Variants in NRG1 observed in about 807,000 individuals in gnomAD.
The protein encoded by NRG1 is neuregulin 1, also known as pro-neuregulin-1, membrane-bound isoform.
NRG1 carries 18 observed loss-of-function variants against 63.8 expected under a neutral mutation model. The ratio of observed to expected loss-of-function variants is 0.28; its 90% CI spans 0.19 to 0.42. The LOEUF (loss-of-function observed/expected upper bound fraction) is 0.42. Ranked by LOEUF, NRG1 falls within the 10% of genes least tolerant of loss-of-function variation. The pLI, the probability that NRG1 is intolerant of heterozygous loss-of-function variation, is 1.00. For synonymous variants in NRG1, 302 were observed against 301.3 expected, an observed-to-expected ratio of 1.00 and a Z score of -0.02; for missense variants, 762 against 814.7, an observed-to-expected ratio of 0.94 and a Z score of 0.79.
intron 1 of NRG1, among the ~76,000 whole-genome samples, chr8:32,025,168 TA>T (rs977327245): frequency 6.6e-6 from 1 of 152,200 alleles, no homozygotes; most frequent in African/African-American, 2.4e-5. Flanking sequence ...TCTACATTCC[TA>T]TTTTTCAGAA....
intron 1 of NRG1, among the ~76,000 whole-genome samples, chr8:32,503,769 G>A (rs564421139): frequency 9.2e-4 from 140 of 152,308 alleles, no homozygotes; most frequent in Non-Finnish European, 1.6e-3. Flanking sequence ...CATACGCAGA[G>A]TGAGAGACCG....
At chr8:32,289,868 AT>A (rs1853984102) in intron 1 of NRG1, among the ~76,000 whole-genome samples, 1 of 152,210 alleles carries the variant, frequency 6.6e-6, no homozygotes, top group African/African-American at 2.4e-5. Flanking sequence ...CATTTACTCG[AT>A]TTAACATTTT....
chr8:32,667,553 C>T (rs1162002624), intron 5 of NRG1, among the ~76,000 whole-genome samples: 1 of 152,114 alleles, frequency 6.6e-6, no homozygotes, highest in Non-Finnish European at 1.5e-5. Flanking sequence ...TACTGATAAA[C>T]ATACTTTTCT....
chr8:32,505,977 T>TG (rs1828473136), intron 1 of NRG1, among the ~76,000 whole-genome samples: 1 of 152,002 alleles, frequency 6.6e-6, no homozygotes, highest in Non-Finnish European at 1.5e-5. Context: ...AGGTGAGGCG[T>TG]GGTGGCTCAA....
chr8:32,736,769 G>A (rs1033180426), intron 6 of NRG1, among the ~76,000 whole-genome samples: 1 of 151,970 alleles, frequency 6.6e-6, no homozygotes, highest in African/African-American at 2.4e-5. Context: ...AAGCTGAGAA[G>A]AGAAAGGATG....
chr8:31,713,620 T>C (rs868642783), intron 1 of NRG1, among the ~76,000 whole-genome samples: 1 of 152,180 alleles, frequency 6.6e-6, no homozygotes, highest in Non-Finnish European at 1.5e-5. Context: ...ATTGACAGGA[T>C]AGTTGAGTAT....
At chr8:32,046,050 A>G (rs897681870) in intron 1 of NRG1, among the ~76,000 whole-genome samples, 1 of 152,076 alleles carries the variant, frequency 6.6e-6, no homozygotes, top group Non-Finnish European at 1.5e-5. Flanking sequence ...ATATTCTTCA[A>G]GGGGTTTGCA....
At chr8:32,032,498 T>C (rs912631663) in intron 1 of NRG1, among the ~76,000 whole-genome samples, 1 of 152,182 alleles carries the variant, frequency 6.6e-6, no homozygotes, top group Non-Finnish European at 1.5e-5. Context: ...GCTCCTGACC[T>C]CAGGTGATCC....
At chr8:32,549,271 C>G (rs536706141) in intron 1 of NRG1, among the ~76,000 whole-genome samples, 1 of 152,376 alleles carries the variant, frequency 6.6e-6, no homozygotes, top group African/African-American at 2.4e-5. Flanking sequence ...GAGGGAGAGC[C>G]GGTCCCCTCG....
intron 1 of NRG1, among the ~76,000 whole-genome samples, chr8:31,859,756 C>G (rs184571313): frequency 7.5e-4 from 114 of 152,358 alleles, no homozygotes; most frequent in Non-Finnish European, 1.0e-3. Flanking sequence ...CTTGTTCTAT[C>G]TTTCAGCAAA....
chr8:31,682,811 C>T (rs967352462), intron 1 of NRG1, among the ~76,000 whole-genome samples: 3 of 152,090 alleles, frequency 2.0e-5, no homozygotes, highest in Non-Finnish European at 1.5e-5. Flanking sequence ...TCAAAACATA[C>T]AAGCTAAATG....
intron 1 of NRG1, among the ~76,000 whole-genome samples, chr8:32,577,661 C>T (rs1336867912): frequency 6.6e-6 from 1 of 152,050 alleles, no homozygotes; most frequent in Non-Finnish European, 1.5e-5. Flanking sequence ...CATTTATTCT[C>T]AACAACTTAG....
chr8:32,772,037 A>AAATG (rs1491248178), downstream of NRG1, among the ~76,000 whole-genome samples: 3 of 112,740 alleles, frequency 2.7e-5, no homozygotes, highest in Non-Finnish European at 5.1e-5. Context: ...AAAAAAAAAA[A>AAATG]TATGTATATA....
At chr8:32,733,225 A>T (rs1218224010) in intron 6 of NRG1, among the ~76,000 whole-genome samples, 1 of 152,192 alleles carries the variant, frequency 6.6e-6, no homozygotes, top group East Asian at 1.9e-4. Flanking sequence ...TCTGATCATT[A>T]GTTTCCTTAT....
At chr8:32,422,339 A>G (rs374026778) in intron 1 of NRG1, among the ~76,000 whole-genome samples, 24 of 152,286 alleles carry the variant, frequency 1.6e-4, no homozygotes, top group African/African-American at 5.5e-4. Flanking sequence ...ACTCCTCACA[A>G]AATAATATCA....
intron 1 of NRG1, among the ~76,000 whole-genome samples, chr8:31,969,766 A>T (rs997163855): frequency 5.9e-5 from 9 of 152,180 alleles, no homozygotes; most frequent in African/African-American, 1.9e-4. Context: ...AAACTCAATA[A>T]GGAAAATTAA....
intron 1 of NRG1, among the ~76,000 whole-genome samples, chr8:32,501,655 G>T (rs1018282044): frequency 2.6e-5 from 4 of 152,132 alleles, no homozygotes; most frequent in Non-Finnish European, 5.9e-5. Flanking sequence ...GACAATAAAA[G>T]ATTTTCAAGA....
intron 1 of NRG1, among the ~76,000 whole-genome samples, chr8:32,469,847 G>C (rs1823559283): frequency 6.6e-6 from 1 of 152,050 alleles, no homozygotes; most frequent in Non-Finnish European, 1.5e-5. Flanking sequence ...CTTGGTGTGG[G>C]AAAAGGACTT....
At chr8:32,182,011 C>A (rs1249964348) in intron 1 of NRG1, among the ~76,000 whole-genome samples, 4 of 152,306 alleles carry the variant, frequency 2.6e-5, no homozygotes, top group African/African-American at 9.6e-5. Context: ...CATGAATTAA[C>A]TACTATTCAA....
Sources: gnomAD v4.1 joint callset for allele counts (sites outside exome capture counted in the v4.1 genomes callset) on GRCh38, gnomAD v4.1.1 for gene constraint, MANE v1.5 for transcripts, NCBI Gene and HGNC (gene_info 2026-07-23, HGNC 2026-07-21) for gene names.